Variants in SLC25A13 observed in about 807,000 individuals in gnomAD.
SLC25A13 encodes the protein electrogenic aspartate/glutamate antiporter SLC25A13, mitochondrial.
A neutral mutation model predicts 85.5 loss-of-function variants in SLC25A13; 70 were observed. That is an observed-to-expected ratio of 0.82 (90% CI 0.68 to 1.00). The LOEUF is 1.00. Ranked by LOEUF, SLC25A13 falls within the 50% of genes least tolerant of loss-of-function variation. SLC25A13 has a pLI of 0.00. For missense variants in SLC25A13, 765 were observed against 819.8 expected, an observed-to-expected ratio of 0.93 and a Z score of 0.82; for synonymous variants, 259 against 288.7, an observed-to-expected ratio of 0.90 and a Z score of 1.04.
Position 96,253,514 on chromosome 7 carries a change from T to C in SLC25A13, c.213-18597A>G, listed in dbSNP as rs1051961831. Among the ~76,000 whole-genome samples the C allele has an allele frequency of 3.3e-5, 5 of 152,176 alleles. No homozygotes were observed. In the South Asian group the frequency reaches 6.2e-4, roughly 19 times the overall value. ...AAGATCCCACAGATTTTAAAAGACA[T>C]AGTAAAATGTGTTTTTTTGACTGCT... is the stretch of plus-strand genomic sequence containing the variant. On this transcript the variant is annotated intron_variant, in intron 3 of 17. Transcript: ENST00000265631.
chr7:96,235,254 A>T (rs959717469), intron 3 of SLC25A13, among the ~76,000 whole-genome samples: 1 of 152,226 alleles, frequency 6.6e-6, no homozygotes, highest in African/African-American at 2.4e-5. Flanking sequence ...TTAGACTAAG[A>T]TGTGACTGCC....
intron 2 of SLC25A13, among the ~76,000 whole-genome samples, chr7:96,291,649 C>G (rs1799124023): frequency 6.6e-6 from 1 of 152,130 alleles, no homozygotes; most frequent in Non-Finnish European, 1.5e-5. Context: ...ACTATAAACA[C>G]CTCTACGCAA....
chr7:96,175,838 A>G (rs1794199228), intron 11 of SLC25A13, among the ~76,000 whole-genome samples: 1 of 152,244 alleles, frequency 6.6e-6, no homozygotes, highest in African/African-American at 2.4e-5. Context: ...GAGCTTCCTT[A>G]TATTAAATGA....
chr7:96,322,079 C>T lies in SLC25A13; in HGVS notation c.-123G>A, dbSNP rs943291528. On this transcript the variant is annotated 5_prime_UTR_variant, in exon 1 of 18. Transcript: ENST00000265631. ...TGGGGGCGGCGATACGGCCAGGCAG[C>T]GTGCGTTCCTGGCCTGCCTCCCCAC... 19 of 1,343,964 alleles carry T rather than the reference C, an allele frequency of 1.4e-5. No homozygotes were observed. The African/African-American group carries it at 2.3e-4, about 16-fold the overall frequency. The allele number at this position is 1,343,964 out of a possible 1,614,324, so 83.3% of individuals were successfully genotyped here.
At chr7:96,134,812 T>TATATATATATATATATATATATATAA (rs1554337568) in intron 14 of SLC25A13, among the ~76,000 whole-genome samples, 4 of 146,220 alleles carry the variant, frequency 2.7e-5, no homozygotes, top group African/African-American at 1.0e-4. Flanking sequence ...TATATATATA[T>TATATATATATATATATATATATATAA]AACCCTGAGG....
chr7:96,173,421 C>A (rs140836505), intron 11 of SLC25A13, among the ~76,000 whole-genome samples: 108 of 152,286 alleles, frequency 7.1e-4, no homozygotes, highest in African/African-American at 2.4e-3. Flanking sequence ...CTTTAGCCAT[C>A]TTACTCAAAA....
chr7:96,263,827 T>C (rs1462834867), intron 3 of SLC25A13, among the ~76,000 whole-genome samples: 5 of 152,168 alleles, frequency 3.3e-5, no homozygotes, highest in Non-Finnish European at 1.5e-5. Context: ...GGTCACACTC[T>C]AGACTTTACT....
chr7:96,219,685 C>T (rs2116756698), intron 4 of SLC25A13: 1 of 534,594 alleles, frequency 1.9e-6, no homozygotes, highest in Admixed American at 1.9e-5. Flanking sequence ...TGAGACAGAG[C>T]CAGGGAGTCC....
chr7:96,208,671 A>G (rs1795556831), intron 5 of SLC25A13, among the ~76,000 whole-genome samples, 167 bp downstream of exon 5: 1 of 151,806 alleles, frequency 6.6e-6, no homozygotes, highest in South Asian at 2.1e-4. Flanking sequence ...ACGCCTGGCT[A>G]ATTTTTTGTA....
chr7:96,292,859 G>C (rs1799182018), intron 2 of SLC25A13, among the ~76,000 whole-genome samples: 1 of 152,112 alleles, frequency 6.6e-6, no homozygotes, highest in African/African-American at 2.4e-5. Context: ...ACTTCCCAAG[G>C]TAATTTACAG....
chr7:96,189,173 G>T, intron 9 of SLC25A13, 121 bp downstream of exon 9: 1 of 831,452 alleles, frequency 1.2e-6, no homozygotes, highest in Non-Finnish European at 2.0e-6. Context: ...GAGAGTTTTG[G>T]TGCAAAACAG....
intron 2 of SLC25A13, among the ~76,000 whole-genome samples, chr7:96,285,760 T>C (rs1266435718): frequency 1.3e-5 from 2 of 152,248 alleles, no homozygotes; most frequent in Non-Finnish European, 2.9e-5. Context: ...GTCATTGTTA[T>C]ACATCTTTTG....
chr7:96,302,688 A>G (rs748748329), intron 1 of SLC25A13, among the ~76,000 whole-genome samples: 5 of 152,190 alleles, frequency 3.3e-5, no homozygotes, highest in Non-Finnish European at 7.4e-5. Context: ...AATATAGAAT[A>G]AAGTCTTTCA....
At chr7:96,182,106 T>C (rs569132746) in intron 11 of SLC25A13, among the ~76,000 whole-genome samples, 2 of 152,330 alleles carry the variant, frequency 1.3e-5, no homozygotes, top group African/African-American at 4.8e-5. Flanking sequence ...TATGCAGTTA[T>C]ATACAATTAT....
At chr7:96,215,154 A>G (rs1163801883) in intron 4 of SLC25A13, among the ~76,000 whole-genome samples, 1 of 152,198 alleles carries the variant, frequency 6.6e-6, no homozygotes, top group Non-Finnish European at 1.5e-5. Flanking sequence ...GCTGGAGTAC[A>G]GTGGCATGAT....
intron 4 of SLC25A13, among the ~76,000 whole-genome samples, chr7:96,224,456 G>T (rs1294308804): frequency 6.6e-6 from 1 of 151,970 alleles, no homozygotes; most frequent in African/African-American, 2.4e-5. Context: ...CTCAATCAAG[G>T]GCCTCCTCTA....
At chr7:96,221,657 C>G (rs1796135947) in intron 4 of SLC25A13, among the ~76,000 whole-genome samples, 1 of 152,168 alleles carries the variant, frequency 6.6e-6, no homozygotes, top group Non-Finnish European at 1.5e-5. Context: ...ATTCCTCTAG[C>G]TTTATATATT....
chr7:96,189,365 C>G lies in SLC25A13; in HGVS notation c.862G>C (p.Ala288Pro), dbSNP rs148206472. 5.0e-6 allele frequency: 8 copies of G among 1,614,014 alleles called. No homozygotes were observed. The highest frequency in any genetic ancestry group is 6.8e-6 in the Non-Finnish European group (8 of 1,180,010). ...AGAGGAGCAATCCGTTCAATGTCTGCTAAGGTCATACGTCTGTAGGGGAAA... is the reference window on the plus strand; with the variant it reads ...AGAGGAGCAATCCGTTCAATGTCTGGTAAGGTCATACGTCTGTAGGGGAAA... ...LYEPRGRMTL[A>P]DIERIAPLEE... is the part of the protein sequence containing the mutation. The change falls in exon 9 of 18, where the codon GCA becomes CCA. Residue 288 changes from alanine (A) to proline (P), a missense_variant. Coordinates refer to ENST00000265631, the MANE Select transcript of SLC25A13 (RefSeq NM_014251.3).
intron 3 of SLC25A13, among the ~76,000 whole-genome samples, chr7:96,239,692 A>T (rs1796893492): frequency 6.6e-6 from 1 of 152,152 alleles, no homozygotes. Context: ...TACAAGTCAC[A>T]TTTCCACAGG....
Sources: gnomAD v4.1 joint callset for allele counts (sites outside exome capture counted in the v4.1 genomes callset) on GRCh38, gnomAD v4.1.1 for gene constraint, MANE v1.5 for transcripts, NCBI Gene and HGNC (gene_info 2026-07-23, HGNC 2026-07-21) for gene names.